Variants in PLCG2 observed in about 807,000 individuals in gnomAD.
PLCG2 encodes phospholipase C gamma 2.
A neutral mutation model predicts 175.6 loss-of-function variants in PLCG2; 69 were observed. That is an observed-to-expected ratio of 0.39 (90% confidence interval 0.32 to 0.48). The LOEUF (loss-of-function observed/expected upper bound fraction) is 0.48, where lower values mean the gene tolerates loss of function less well. Among genes scored for constraint, PLCG2 ranks in the 20% least tolerant of loss-of-function variants. The probability of loss-of-function intolerance (pLI) is 0.91; values close to 1 mark genes in which losing one functional copy is unlikely to be tolerated. For missense variants in PLCG2, 1,798 were observed against 1,650.9 expected (o/e 1.09, Z -1.54); for synonymous variants, 827 against 624.0 (o/e 1.33, Z -4.85).
At chr16:81,824,825 T>G (rs952580304) in intron 2 of PLCG2, among the ~76,000 whole-genome samples, 1 of 152,194 alleles carries the variant, frequency 6.6e-6, no homozygotes, top group African/African-American at 2.4e-5. Context: ...TGTTACATTA[T>G]GTGGCAAAGG....
intron 2 of PLCG2, among the ~76,000 whole-genome samples, chr16:81,824,766 C>T (rs747213630): frequency 3.9e-5 from 6 of 151,916 alleles, no homozygotes; most frequent in Non-Finnish European, 7.4e-5. Context: ...TGACTCCCTG[C>T]ACATACCCCC....
intron 2 of PLCG2, among the ~76,000 whole-genome samples, chr16:81,792,615 G>T (rs1345756438): frequency 6.6e-6 from 1 of 152,048 alleles, no homozygotes; most frequent in Non-Finnish European, 1.5e-5. Flanking sequence ...GAGGCCTCAG[G>T]AAACTTACAA....
At chr16:81,826,869 A>G (rs934095878) in intron 2 of PLCG2, among the ~76,000 whole-genome samples, 5 of 152,082 alleles carry the variant, frequency 3.3e-5, no homozygotes, top group African/African-American at 1.2e-4. Context: ...TGGGTTTTTA[A>G]AAAGTTCTTC....
At chr16:81,878,110 T>C (rs1457497430) in intron 7 of PLCG2, among the ~76,000 whole-genome samples, 1 of 150,548 alleles carries the variant, frequency 6.6e-6, no homozygotes, top group Admixed American at 6.7e-5. Flanking sequence ...GCCTCCCGAG[T>C]AGCTGGGGAC....
At chr16:81,848,548 A>G (rs937988977) in intron 2 of PLCG2, among the ~76,000 whole-genome samples, 1 of 151,868 alleles carries the variant, frequency 6.6e-6, no homozygotes, top group Non-Finnish European at 1.5e-5. Context: ...GCTTTTCTGT[A>G]CCTGGTCTCT....
upstream of PLCG2, among the ~76,000 whole-genome samples, chr16:81,774,657 C>T (rs1299887717): frequency 6.6e-6 from 1 of 151,236 alleles, no homozygotes; most frequent in Non-Finnish European, 1.5e-5. Context: ...TGGGGCAGGG[C>T]GGTGGACCTC....
intron 2 of PLCG2, among the ~76,000 whole-genome samples, chr16:81,799,238 C>A (rs553882455): frequency 1.3e-5 from 2 of 152,224 alleles, no homozygotes; most frequent in East Asian, 1.9e-4. Flanking sequence ...CCGCCACCCC[C>A]CTACCCAGAG....
chr16:81,861,837 C>G (rs766168168), intron 5 of PLCG2, among the ~76,000 whole-genome samples: 2 of 152,218 alleles, frequency 1.3e-5, no homozygotes, highest in Non-Finnish European at 2.9e-5. Context: ...GGATACCACC[C>G]TCTTGCTCAG....
intron 4 of PLCG2, 138 bp downstream of exon 4, chr16:81,858,494 A>G (rs1193225742): frequency 2.4e-5 from 16 of 678,152 alleles, no homozygotes; most frequent in Non-Finnish European, 3.0e-5. Context: ...CTTGTATGCA[A>G]TGGGTGCCTA....
chr16:81,743,713 G>A (rs995420062), intron 1 of PLCG2, among the ~76,000 whole-genome samples: 2 of 152,204 alleles, frequency 1.3e-5, no homozygotes, highest in Non-Finnish European at 2.9e-5. Flanking sequence ...GAGACAGCCT[G>A]CCTGGAGGTG....
chr16:81,816,738 G>A (rs138756210), intron 2 of PLCG2, among the ~76,000 whole-genome samples: 1 of 130,400 alleles, frequency 7.7e-6, no homozygotes, highest in South Asian at 2.7e-4. Context: ...CTGGGCTAAA[G>A]CAGTCCTCGC....
intron 2 of PLCG2, among the ~76,000 whole-genome samples, chr16:81,815,559 C>T (rs945354987): frequency 7.9e-5 from 12 of 152,326 alleles, no homozygotes; most frequent in Middle Eastern, 3.4e-3. Flanking sequence ...GACTACTCAG[C>T]CTGTTGTTCT....
intron 25 of PLCG2, among the ~76,000 whole-genome samples, chr16:81,932,882 C>A (rs919953479): frequency 4.6e-5 from 7 of 152,252 alleles, no homozygotes; most frequent in African/African-American, 1.7e-4. Flanking sequence ...CGCTGTCCTT[C>A]TGGCTTTCCC....
chr16:81,896,884 A>G (rs1265131583), intron 13 of PLCG2, among the ~76,000 whole-genome samples: 2 of 152,208 alleles, frequency 1.3e-5, no homozygotes, highest in Non-Finnish European at 2.9e-5. Flanking sequence ...GGGTGAGAAC[A>G]TTTAGGTTCA....
intron 25 of PLCG2, among the ~76,000 whole-genome samples, chr16:81,934,026 G>A (rs1306289782): frequency 2.0e-5 from 3 of 152,206 alleles, no homozygotes; most frequent in Non-Finnish European, 4.4e-5. Flanking sequence ...GAGTTATGAC[G>A]AGGATGCTGG....
At chr16:81,749,440 C>A (rs746355846) in intron 1 of PLCG2, among the ~76,000 whole-genome samples, 16 of 152,224 alleles carry the variant, frequency 1.1e-4, no homozygotes, top group Non-Finnish European at 2.1e-4. Context: ...GCAACCTCTG[C>A]CTCCTGGGTT....
Position 81,960,024 on chromosome 16 carries a change from T to C in PLCG2, c.*2026T>C, listed in dbSNP as rs35197248. On this transcript the variant is annotated 3_prime_UTR_variant, in exon 33 of 33. Coordinates refer to ENST00000564138, the MANE Select transcript of PLCG2 (RefSeq NM_002661.5). ...CTAAGCCTCTCTCCAGCTGCTGCTG[T>C]GTAAAATCCATGCGTGGCCAAAGAG... 0.083 allele frequency: 18,034 copies of C among 216,228 alleles called. 789 individuals are homozygous for C. The highest frequency in any genetic ancestry group is 0.11 in the African/African-American group (4,676 of 44,406). The allele number at this position is 216,228 out of a possible 1,614,324, so 13.4% of individuals were successfully genotyped here. A position where few individuals can be genotyped will look rare whatever the true frequency, so the allele number is the denominator to read the frequency against.
chr16:81,785,737 G>C (rs950190755), intron 1 of PLCG2: 4 of 392,960 alleles, frequency 1.0e-5, no homozygotes, highest in African/African-American at 6.2e-5. Flanking sequence ...GAGGTCAGGG[G>C]CTCTTCTCAC....
At chr16:81,877,834 A>G (rs949835393) in intron 7 of PLCG2, among the ~76,000 whole-genome samples, 11 of 151,332 alleles carry the variant, frequency 7.3e-5, no homozygotes, top group East Asian at 3.9e-4. Flanking sequence ...ATGTCATTGC[A>G]TCGCTCCTTG....
Sources: gnomAD v4.1 joint callset for allele counts (sites outside exome capture counted in the v4.1 genomes callset) on GRCh38, gnomAD v4.1.1 for gene constraint, MANE v1.5 for transcripts, NCBI Gene and HGNC (gene_info 2026-07-23, HGNC 2026-07-21) for gene names.